Variants in ABCD3 observed in about 807,000 individuals in gnomAD.
The protein encoded by ABCD3 is ATP-binding cassette sub-family D member 3.
Under a neutral mutation model 105.5 loss-of-function variants are expected in ABCD3, and 41 were observed. That is an observed-to-expected ratio of 0.39 (90% CI 0.30 to 0.50). The LOEUF is 0.50. Ranked by LOEUF, ABCD3 falls within the 20% of genes least tolerant of loss-of-function variation. The pLI, the probability that ABCD3 is intolerant of heterozygous loss-of-function variation, is 0.84. For missense variants in ABCD3, 622 were observed against 806.3 expected (o/e 0.77, Z 2.77); for synonymous variants, 258 against 269.0 (o/e 0.96, Z 0.40).
intron 2 of ABCD3, 72 bp downstream of exon 2, chr1:94,458,715 T>G: frequency 2.7e-6 from 4 of 1,458,042 alleles, no homozygotes; most frequent in Non-Finnish European, 3.8e-6. Context: ...ATGATTCTGA[T>G]TTAGGATTAA....
chr1:94,449,729 G>T (rs1443296556), intron 1 of ABCD3, among the ~76,000 whole-genome samples: 2 of 151,322 alleles, frequency 1.3e-5, no homozygotes, highest in African/African-American at 4.8e-5. Context: ...TCCCCTAAGG[G>T]GATGTTTAGC....
At chr1:94,501,998 C>G (rs1650123012) in intron 20 of ABCD3, among the ~76,000 whole-genome samples, 1 of 151,858 alleles carries the variant, frequency 6.6e-6, no homozygotes, top group Non-Finnish European at 1.5e-5. Context: ...GCCTCCTTTC[C>G]TGTCCAGTAC....
chr1:94,496,769 AT>A (rs34336196), intron 16 of ABCD3, among the ~76,000 whole-genome samples: 82,313 of 109,204 alleles, frequency 0.75, 30,428 homozygotes, highest in Admixed American at 0.83. Flanking sequence ...GTACCAGCAA[AT>A]TTTTTTTTTT....
chr1:94,437,602 T>A (rs1262932043), intron 1 of ABCD3, among the ~76,000 whole-genome samples: 1 of 152,242 alleles, frequency 6.6e-6, no homozygotes, highest in Non-Finnish European at 1.5e-5. Flanking sequence ...ACAAGGAGAT[T>A]AATGTTGTTT....
chr1:94,478,745 A>T (rs1210233388), intron 8 of ABCD3: 1 of 851,220 alleles, frequency 1.2e-6, no homozygotes, highest in African/African-American at 1.8e-5. Flanking sequence ...TTATTGTTTC[A>T]AAGTAATGTC....
chr1:94,401,937 G>A, the ABCD3 span, among the ~76,000 whole-genome samples: 123 of 152,272 alleles, frequency 8.1e-4, no homozygotes, highest in Middle Eastern at 3.4e-3. Flanking sequence ...GTCACCCAAG[G>A]AAGTTCCTTC....
At position 94,517,447 on chromosome 1, in the gene ABCD3, G is replaced by C. The variant is rs571234362; in HGVS notation, c.*318G>C. ...ATTCATCCTGGGATGTAAACCATTC[G>C]AAGTCAGCTAATTGGACTTTTATGG... On this transcript the variant is annotated 3_prime_UTR_variant, in exon 23 of 23. Coordinates refer to ENST00000370214, the MANE Select transcript of ABCD3 (RefSeq NM_002858.4). The C allele has an allele frequency of 1.3e-5, 4 of 297,244 alleles. No homozygotes were observed. The highest frequency in any genetic ancestry group is 9.0e-5 in the African/African-American group (4 of 44,632). 18.4% of individuals were successfully genotyped at this position (297,244 alleles called of 1,614,324 possible). A position where few individuals can be genotyped will look rare whatever the true frequency, so the allele number is the denominator to read the frequency against.
At chr1:94,418,358 C>A, upstream of ABCD3, 1 of 855,980 alleles carries the variant, frequency 1.2e-6, no homozygotes, top group Non-Finnish European at 1.8e-6. Context: ...GGGGGCGGTC[C>A]TGCGCGGCCG....
intron 2 of ABCD3, among the ~76,000 whole-genome samples, chr1:94,459,150 G>A (rs1647743377): frequency 6.6e-6 from 1 of 151,664 alleles, no homozygotes; most frequent in Non-Finnish European, 1.5e-5. Flanking sequence ...GAGCTCTAAG[G>A]ATCCTCCTAC....
At chr1:94,494,741 A>G (rs886089289) in intron 16 of ABCD3, among the ~76,000 whole-genome samples, 4 of 152,158 alleles carry the variant, frequency 2.6e-5, no homozygotes, top group Admixed American at 2.6e-4. Flanking sequence ...GTACAGACAT[A>G]TTTATCTGTC....
the ABCD3 span, among the ~76,000 whole-genome samples, chr1:94,395,097 T>C: frequency 6.6e-6 from 1 of 152,178 alleles, no homozygotes; most frequent in Admixed American, 6.5e-5. Context: ...CTAAATGCCT[T>C]GGGTATCCTC....
At chr1:94,480,750 AG>A in intron 9 of ABCD3, 144 bp downstream of exon 9, 4 of 867,196 alleles carry the variant, frequency 4.6e-6, no homozygotes, top group South Asian at 1.6e-5. Context: ...GAAAGAGACT[AG>A]TTTTATAAAG....
chr1:94,460,564 A>C (rs140649605), intron 2 of ABCD3, among the ~76,000 whole-genome samples: 1 of 152,272 alleles, frequency 6.6e-6, no homozygotes, highest in African/African-American at 2.4e-5. Flanking sequence ...CATGGAGCTT[A>C]CATTCTGCAT....
intron 20 of ABCD3, among the ~76,000 whole-genome samples, chr1:94,505,609 G>T (rs1322334444): frequency 6.6e-6 from 1 of 152,046 alleles, no homozygotes; most frequent in Non-Finnish European, 1.5e-5. Context: ...CAGAAGATTG[G>T]ATGAGATCAC....
chr1:94,437,492 T>C (rs1208028212), intron 1 of ABCD3, among the ~76,000 whole-genome samples: 1 of 152,220 alleles, frequency 6.6e-6, no homozygotes, highest in African/African-American at 2.4e-5. Context: ...AATATTTTAA[T>C]ACCACTGTTG....
intron 9 of ABCD3, chr1:94,482,763 A>C (rs1649090437): frequency 5.2e-6 from 1 of 192,264 alleles, no homozygotes; most frequent in Non-Finnish European, 1.1e-5. Flanking sequence ...ATCACTATCC[A>C]TCTTTTTCTA....
upstream of ABCD3, among the ~76,000 whole-genome samples, chr1:94,417,377 G>A (rs1444472130): frequency 6.6e-6 from 1 of 152,172 alleles, no homozygotes; most frequent in African/African-American, 2.4e-5. Context: ...CATTATGCGA[G>A]GTTTTATGAG....
the ABCD3 span, among the ~76,000 whole-genome samples, chr1:94,386,909 A>G: frequency 2.0e-5 from 3 of 152,222 alleles, no homozygotes; most frequent in East Asian, 5.8e-4. Flanking sequence ...AAGATTTTCA[A>G]TGAGCAGCAT....
intron 21 of ABCD3, 71 bp downstream of exon 21, chr1:94,506,713 C>T (rs1252999148): frequency 8.7e-7 from 1 of 1,144,782 alleles, no homozygotes; most frequent in Non-Finnish European, 1.3e-6. Flanking sequence ...CAAATCTGTC[C>T]AAAGAGAAGA....
Sources: allele counts gnomAD v4.1 joint callset (sites outside exome capture counted in the v4.1 genomes callset), GRCh38; gene constraint gnomAD v4.1.1; transcripts MANE v1.5; gene names NCBI Gene and HGNC (gene_info 2026-07-23, HGNC 2026-07-21).